The following PTPRT variants were observed in gnomAD, a reference collection of about 807,000 sequenced individuals.
The protein encoded by PTPRT is protein tyrosine phosphatase receptor type T.
In PTPRT, 56 loss-of-function variants were observed where a neutral mutation model predicts 176.8. That is an observed-to-expected ratio of 0.32 (90% CI 0.26 to 0.40). The LOEUF is 0.40. Ranked by LOEUF, PTPRT falls within the 10% of genes least tolerant of loss-of-function variation. The pLI is 1.00. For synonymous variants in PTPRT, 783 were observed against 739.0 expected, an observed-to-expected ratio of 1.06 and a Z score of -0.96; for missense variants, 1,540 against 1,908.2, an observed-to-expected ratio of 0.81 and a Z score of 3.60.
chr20:42,776,224 G>C (rs983710122), intron 4 of PTPRT, among the ~76,000 whole-genome samples: 1 of 152,118 alleles, frequency 6.6e-6, no homozygotes, highest in Non-Finnish European at 1.5e-5. Flanking sequence ...TATGCTCTAA[G>C]TTTCTTCATT....
chr20:42,861,960 C>T (rs2078669486), intron 2 of PTPRT, among the ~76,000 whole-genome samples: 1 of 152,194 alleles, frequency 6.6e-6, no homozygotes, highest in African/African-American at 2.4e-5. Flanking sequence ...TAGATCAGCA[C>T]TGTCCAACAG....
At chr20:42,586,446 G>A (rs1033183434) in intron 7 of PTPRT, among the ~76,000 whole-genome samples, 6 of 152,100 alleles carry the variant, frequency 3.9e-5, no homozygotes, top group African/African-American at 1.4e-4. Flanking sequence ...CCTGCTGTGG[G>A]GAAGGGATCA....
At chr20:43,079,507 C>G (rs1448406457) in intron 1 of PTPRT, among the ~76,000 whole-genome samples, 1 of 152,172 alleles carries the variant, frequency 6.6e-6, no homozygotes, top group Non-Finnish European at 1.5e-5. Flanking sequence ...ATCTACAACA[C>G]TAAGTCTTCC....
chr20:42,366,151 C>T (rs903194710), intron 9 of PTPRT, among the ~76,000 whole-genome samples: 1 of 152,186 alleles, frequency 6.6e-6, no homozygotes, highest in Non-Finnish European at 1.5e-5. Context: ...TCTTCAATGC[C>T]TTCTCTCTCT....
intron 15 of PTPRT, among the ~76,000 whole-genome samples, chr20:42,205,040 A>G (rs998997733): frequency 5.2e-5 from 6 of 116,336 alleles, no homozygotes; most frequent in African/African-American, 2.0e-4. Flanking sequence ...TTTGTTACAT[A>G]TGTATACATG....
chr20:42,431,161 G>A (rs1601012619), intron 9 of PTPRT, among the ~76,000 whole-genome samples: 2 of 152,106 alleles, frequency 1.3e-5, no homozygotes, highest in Admixed American at 6.6e-5. Context: ...TGAATTGTAG[G>A]CTTAATATTG....
chr20:42,426,163 G>C (rs998034530), intron 9 of PTPRT, among the ~76,000 whole-genome samples: 11 of 152,070 alleles, frequency 7.2e-5, no homozygotes, highest in African/African-American at 2.2e-4. Context: ...GCCCTAAATG[G>C]GAACAGGCAT....
chr20:42,583,690 T>C (rs966854717), intron 7 of PTPRT, among the ~76,000 whole-genome samples: 1 of 152,230 alleles, frequency 6.6e-6, no homozygotes, highest in Non-Finnish European at 1.5e-5. Context: ...AAATGGCTTA[T>C]TACACAGATT....
At chr20:43,089,315 T>G (rs967453277) in intron 1 of PTPRT, among the ~76,000 whole-genome samples, 5 of 152,212 alleles carry the variant, frequency 3.3e-5, no homozygotes, top group South Asian at 4.1e-4. Flanking sequence ...GAAATAATAA[T>G]AAGTCACTCA....
chr20:42,581,821 G>C (rs1025887361), intron 7 of PTPRT, among the ~76,000 whole-genome samples: 5 of 152,192 alleles, frequency 3.3e-5, no homozygotes, highest in Non-Finnish European at 7.3e-5. Flanking sequence ...AGAGGTTGAA[G>C]GGGGAGGGTG....
chr20:42,166,070 A>C (rs879368435), intron 16 of PTPRT, among the ~76,000 whole-genome samples: 3 of 152,244 alleles, frequency 2.0e-5, no homozygotes, highest in Non-Finnish European at 4.4e-5. Context: ...TTTTACACTT[A>C]CAGCACATTT....
chr20:42,169,561 C>T (rs1184827801), intron 16 of PTPRT, among the ~76,000 whole-genome samples: 4 of 152,020 alleles, frequency 2.6e-5, no homozygotes, highest in African/African-American at 9.7e-5. Flanking sequence ...ACTAGTTGGA[C>T]AGTGAGGCAA....
chr20:42,155,929 A>G (rs1046866183), intron 17 of PTPRT, among the ~76,000 whole-genome samples: 1 of 152,118 alleles, frequency 6.6e-6, no homozygotes, highest in Non-Finnish European at 1.5e-5. Flanking sequence ...TGGCTTCTTG[A>G]TTACAATCCA....
intron 19 of PTPRT, among the ~76,000 whole-genome samples, chr20:42,125,492 G>A (rs552524465): frequency 6.6e-6 from 1 of 152,266 alleles, no homozygotes; most frequent in East Asian, 1.9e-4. Flanking sequence ...CATGAACAGA[G>A]GCCATTTGCC....
intron 1 of PTPRT, among the ~76,000 whole-genome samples, chr20:43,057,042 C>G (rs1164804887): frequency 6.6e-6 from 1 of 151,846 alleles, no homozygotes; most frequent in Admixed American, 6.6e-5. Context: ...TTTCTACTGT[C>G]TGATTCTACT....
At chr20:42,228,716 C>T (rs1371163493) in intron 15 of PTPRT, among the ~76,000 whole-genome samples, 1 of 152,202 alleles carries the variant, frequency 6.6e-6, no homozygotes. Context: ...ATCAACTCCA[C>T]ACATATAACC....
At chr20:42,626,361 T>C (rs552673514) in intron 7 of PTPRT, among the ~76,000 whole-genome samples, 184 of 152,256 alleles carry the variant, frequency 1.2e-3, no homozygotes, top group African/African-American at 4.2e-3. Flanking sequence ...ATCTCCATTC[T>C]AACACTTACC....
intron 1 of PTPRT, among the ~76,000 whole-genome samples, chr20:43,104,370 C>A (rs1197486607): frequency 6.6e-6 from 1 of 152,054 alleles, no homozygotes; most frequent in Non-Finnish European, 1.5e-5. Flanking sequence ...AGGTCCCAGA[C>A]AACAATCTTG....
intron 6 of PTPRT, among the ~76,000 whole-genome samples, chr20:42,709,104 T>C (rs931575144): frequency 1.3e-5 from 2 of 152,190 alleles, no homozygotes; most frequent in Non-Finnish European, 2.9e-5. Flanking sequence ...CTTTGGTTAT[T>C]AAAATGTGAG....
Sources: gnomAD v4.1 joint callset for allele counts (sites outside exome capture counted in the v4.1 genomes callset) on GRCh38, gnomAD v4.1.1 for gene constraint, MANE v1.5 for transcripts, NCBI Gene and HGNC (gene_info 2026-07-23, HGNC 2026-07-21) for gene names.